The following TENM2 variants were observed in gnomAD, a reference collection of about 807,000 sequenced individuals.
The protein encoded by TENM2 is teneurin-2.
Under a neutral mutation model 245.2 loss-of-function variants are expected in TENM2, and 52 were observed. The ratio of observed to expected loss-of-function variants is 0.21; its 90% CI spans 0.17 to 0.27. TENM2 has a LOEUF of 0.27. TENM2 is among the 10% of genes least tolerant of loss of function. The pLI is 1.00. For synonymous variants in TENM2, 1,363 were observed against 1,438.9 expected (o/e 0.95, Z 1.19); for missense variants, 3,046 against 3,666.8 (o/e 0.83, Z 4.37).
chr5:167,929,874 A>G (rs1046592809), intron 3 of TENM2, among the ~76,000 whole-genome samples: 2 of 152,186 alleles, frequency 1.3e-5, no homozygotes, highest in Non-Finnish European at 2.9e-5. Flanking sequence ...GCTCAGGGCT[A>G]TGTTTTCATG....
chr5:167,166,311 T>C, the TENM2 span, among the ~76,000 whole-genome samples: 3 of 152,154 alleles, frequency 2.0e-5, no homozygotes, highest in Non-Finnish European at 2.9e-5. Context: ...GTATTCAGAA[T>C]GAAGCTGAGA....
intron 5 of TENM2, among the ~76,000 whole-genome samples, chr5:168,016,832 T>C (rs1785699745): frequency 6.6e-6 from 1 of 152,238 alleles, no homozygotes; most frequent in Admixed American, 6.5e-5. Context: ...ATCTATAAAA[T>C]GGTAATAATA....
intron 2 of TENM2, among the ~76,000 whole-genome samples, chr5:167,474,253 T>C (rs1324365220): frequency 6.6e-6 from 1 of 152,190 alleles, no homozygotes; most frequent in Non-Finnish European, 1.5e-5. Context: ...GCTCAAACTG[T>C]AACACAAATT....
intron 2 of TENM2, among the ~76,000 whole-genome samples, chr5:167,445,336 T>TATATATATATATAGAGAGAGAG (rs368881390): frequency 2.6e-5 from 2 of 77,314 alleles, no homozygotes; most frequent in African/African-American, 1.1e-4. Flanking sequence ...TATATATATA[T>TATATATATATATAGAGAGAGAG]AGAGAGAGAG....
intron 4 of TENM2, among the ~76,000 whole-genome samples, chr5:167,961,527 G>T (rs1360277197): frequency 6.6e-6 from 1 of 152,146 alleles, no homozygotes. Flanking sequence ...AAGAAAGGAA[G>T]GAAAGAAAGG....
chr5:167,685,092 C>G (rs1206571043), intron 2 of TENM2, among the ~76,000 whole-genome samples: 1 of 152,122 alleles, frequency 6.6e-6, no homozygotes, highest in East Asian at 1.9e-4. Context: ...TATTGCTAAG[C>G]CTTTCTTCTC....
At chr5:167,722,704 G>A (rs2150523857) in intron 2 of TENM2, among the ~76,000 whole-genome samples, 1 of 152,098 alleles carries the variant, frequency 6.6e-6, no homozygotes, top group Admixed American at 6.5e-5. Context: ...TTGAACCCGG[G>A]ACAAGGAGAC....
chr5:167,921,297 A>G (rs1777353318), intron 3 of TENM2, among the ~76,000 whole-genome samples: 1 of 152,198 alleles, frequency 6.6e-6, no homozygotes, highest in Non-Finnish European at 1.5e-5. Flanking sequence ...AGAAAAAAAG[A>G]GAGTTTGTGT....
At chr5:168,016,439 T>C (rs1449742845) in intron 5 of TENM2, among the ~76,000 whole-genome samples, 1 of 152,254 alleles carries the variant, frequency 6.6e-6, no homozygotes, top group African/African-American at 2.4e-5. Context: ...TCAAGGAGCA[T>C]TCATTATCTT....
At chr5:167,859,386 GT>G (rs1771459222) in intron 2 of TENM2, among the ~76,000 whole-genome samples, 1 of 145,652 alleles carries the variant, frequency 6.9e-6, no homozygotes, top group African/African-American at 2.5e-5. Flanking sequence ...GGTGGGGGGG[GT>G]CAGCCCCCCG....
chr5:167,288,162 T>C (rs1019015055), intron 1 of TENM2, among the ~76,000 whole-genome samples: 13 of 152,194 alleles, frequency 8.5e-5, no homozygotes, highest in African/African-American at 2.7e-4. Flanking sequence ...TGCTTTTGCA[T>C]GTGTATGTGC....
the TENM2 span, among the ~76,000 whole-genome samples, chr5:167,179,231 T>C: frequency 5.3e-5 from 8 of 152,210 alleles, no homozygotes; most frequent in African/African-American, 1.9e-4. Context: ...ACCGCTTGCA[T>C]GATTTTTGAT....
At chr5:167,632,562 G>C (rs1013812597) in intron 2 of TENM2, among the ~76,000 whole-genome samples, 1 of 152,152 alleles carries the variant, frequency 6.6e-6, no homozygotes, top group Non-Finnish European at 1.5e-5. Flanking sequence ...CAGCGATTAA[G>C]TTTTTTACCC....
chr5:167,016,238 A>G, the TENM2 span, among the ~76,000 whole-genome samples: 1 of 145,446 alleles, frequency 6.9e-6, no homozygotes, highest in South Asian at 2.2e-4. Context: ...TGGGCAACAG[A>G]GCGAGACTCT....
chr5:167,288,559 A>C (rs200364841), intron 1 of TENM2, among the ~76,000 whole-genome samples: 1 of 83,880 alleles, frequency 1.2e-5, no homozygotes, highest in Non-Finnish European at 2.2e-5. Context: ...ACTCCGTCTC[A>C]AAAAAAAAAA....
intron 6 of TENM2, among the ~76,000 whole-genome samples, chr5:168,049,992 G>A (rs113719070): frequency 5.3e-5 from 8 of 152,066 alleles, no homozygotes; most frequent in South Asian, 2.1e-4. Context: ...TAGTGGAGAC[G>A]GAGTTTCACC....
intron 12 of TENM2, among the ~76,000 whole-genome samples, chr5:168,138,917 G>A (rs1755296738): frequency 6.6e-6 from 1 of 152,210 alleles, no homozygotes; most frequent in Admixed American, 6.5e-5. Flanking sequence ...CAAGAAAGAA[G>A]TGGTTTGCAG....
chr5:167,263,956 T>G, the TENM2 span, among the ~76,000 whole-genome samples: 7 of 151,840 alleles, frequency 4.6e-5, no homozygotes, highest in Middle Eastern at 6.8e-3. Flanking sequence ...ATACAAAAAA[T>G]TAGTTGGGTG....
intron 2 of TENM2, among the ~76,000 whole-genome samples, chr5:167,750,415 C>T (rs781030840): frequency 5.9e-5 from 9 of 152,184 alleles, no homozygotes; most frequent in East Asian, 1.9e-4. Flanking sequence ...GCATTGTCCT[C>T]GTCATCCTGT....
Sources: allele counts gnomAD v4.1 joint callset (sites outside exome capture counted in the v4.1 genomes callset), GRCh38; gene constraint gnomAD v4.1.1; transcripts MANE v1.5; gene names NCBI Gene and HGNC (gene_info 2026-07-23, HGNC 2026-07-21).